UTS2: variants seen among roughly 807,000 people sequenced by gnomAD.
The protein encoded by UTS2 is urotensin-2.
Under a neutral mutation model 12.6 loss-of-function variants are expected in UTS2, and 10 were observed. The observed-to-expected ratio is 0.80, with a 90% CI of 0.49 to 1.35. The LOEUF is 1.35. UTS2 is among the 40% of genes most tolerant of loss of function. The pLI is 0.00. For missense variants in UTS2, 142 were observed against 143.2 expected, an observed-to-expected ratio of 0.99 and a Z score of 0.04; for synonymous variants, 52 against 50.0, an observed-to-expected ratio of 1.04 and a Z score of -0.17.
chr1:7,858,490 CCT>C (rs932720207), upstream of UTS2, among the ~76,000 whole-genome samples: 22 of 152,292 alleles, frequency 1.4e-4, no homozygotes, highest in African/African-American at 4.8e-4. Flanking sequence ...AAATTACAAA[CCT>C]CTTTTCAGTT....
chr1:7,873,920 A>T, the UTS2 span, among the ~76,000 whole-genome samples: 1 of 149,570 alleles, frequency 6.7e-6, no homozygotes, highest in African/African-American at 2.5e-5. Flanking sequence ...TCATTGTCTT[A>T]TTTTTTTTTT....
chr1:7,906,765 A>G, the UTS2 span, among the ~76,000 whole-genome samples: 1 of 152,188 alleles, frequency 6.6e-6, no homozygotes, highest in African/African-American at 2.4e-5. Context: ...AACACCACGA[A>G]CACGGGCAGT....
chr1:7,889,442 C>CAAAAAAAAAAAA, the UTS2 span, among the ~76,000 whole-genome samples: 9 of 85,352 alleles, frequency 1.1e-4, no homozygotes, highest in Non-Finnish European at 1.6e-4. Flanking sequence ...ATCTTATCAC[C>CAAAAAAAAAAAA]AAAAAAAAAA....
At chr1:7,863,015 A>AC in the UTS2 span, among the ~76,000 whole-genome samples, 1 of 22,274 alleles carries the variant, frequency 4.5e-5, no homozygotes, top group South Asian at 1.5e-3. Flanking sequence ...ATTGTATTGT[A>AC]TTGTATTGTA....
At chr1:7,901,354 GGGT>G in the UTS2 span, among the ~76,000 whole-genome samples, 1 of 152,122 alleles carries the variant, frequency 6.6e-6, no homozygotes, top group Non-Finnish European at 1.5e-5. Flanking sequence ...CATTAAATGT[GGGT>G]GGTGAAAGAG....
At chr1:7,866,251 G>A in the UTS2 span, among the ~76,000 whole-genome samples, 15 of 152,320 alleles carry the variant, frequency 9.8e-5, no homozygotes, top group Admixed American at 3.9e-4. This position sits in a 1 kb window ranked among gnomAD's most constrained non-coding sequence, Gnocchi z 4.5. Context: ...GGGCCTCCTC[G>A]CAGCTGAAAG....
chr1:7,890,124 TAAAA>T, the UTS2 span, among the ~76,000 whole-genome samples: 1 of 135,568 alleles, frequency 7.4e-6, no homozygotes, highest in Admixed American at 7.4e-5. Context: ...AGCCTCCATC[TAAAA>T]AAAAAAAAAA....
chr1:7,852,851 C>CT, intron 1 of UTS2, 50 bp downstream of exon 1: 1 of 1,550,892 alleles, frequency 6.4e-7, no homozygotes, highest in Non-Finnish European at 8.7e-7. Flanking sequence ...GAATTTAAGA[C>CT]TAGTAAAGGC....
chr1:7,893,174 G>A, the UTS2 span, among the ~76,000 whole-genome samples: 1 of 152,130 alleles, frequency 6.6e-6, no homozygotes, highest in African/African-American at 2.4e-5. Flanking sequence ...TCAAGATTTT[G>A]CAATCCTTGA....
chr1:7,852,915 G>C lies in UTS2; in HGVS notation c.89C>G (p.Ser30Cys). The C allele has an allele frequency of 6.2e-7, 1 of 1,609,584 alleles. No homozygotes were observed. The highest frequency in any genetic ancestry group is 8.5e-7 in the Non-Finnish European group (1 of 1,178,580). ...SLPLLDSREI[S>C]FQLSAPHEDA... is the part of the protein sequence containing the mutation. ...AAAAATCTTACCTGAGAGTTGAAAG[G>C]ATATTTCCCTGGAGTCAAGGAGAGG... The change falls in exon 1 of 4, where the codon TCC becomes TGC. Residue 30 changes from serine (S) to cysteine (C), a missense_variant. By Grantham distance (112) the Ser-to-Cys change is moderately radical. Coordinates refer to ENST00000361696, the MANE Select transcript of UTS2 (RefSeq NM_006786.4).
At chr1:7,850,569 C>T (rs558067121) in intron 2 of UTS2, among the ~76,000 whole-genome samples, 5 of 152,156 alleles carry the variant, frequency 3.3e-5, no homozygotes, top group South Asian at 4.1e-4. Context: ...AGCTCTACCC[C>T]GCAAAAATAA....
the UTS2 span, among the ~76,000 whole-genome samples, chr1:7,863,036 TTG>T: frequency 0.012 from 392 of 32,942 alleles, 8 homozygotes; most frequent in South Asian, 0.035. Context: ...TTGTATTGTA[TTG>T]TATTGTATTG....
At chr1:7,908,295 T>TAAA in the UTS2 span, among the ~76,000 whole-genome samples, 2 of 107,872 alleles carry the variant, frequency 1.9e-5, no homozygotes, top group African/African-American at 6.9e-5. Context: ...AGACTCCGTC[T>TAAA]AAAAAAAAAA....
chr1:7,848,503 T>C (rs576246871), intron 3 of UTS2, among the ~76,000 whole-genome samples: 1 of 126,338 alleles, frequency 7.9e-6, no homozygotes, highest in African/African-American at 2.7e-5. Context: ...ATTGTATGTA[T>C]TGTGTATACT....
the UTS2 span, among the ~76,000 whole-genome samples, chr1:7,906,033 CT>C: frequency 4.6e-5 from 7 of 152,100 alleles, no homozygotes; most frequent in Non-Finnish European, 8.8e-5. Flanking sequence ...AGGTGAGCAT[CT>C]TGTTTTGAGG....
At chr1:7,874,637 C>T in the UTS2 span, among the ~76,000 whole-genome samples, 1 of 152,322 alleles carries the variant, frequency 6.6e-6, no homozygotes, top group South Asian at 2.1e-4. Flanking sequence ...CCGCCTGGGA[C>T]CACTGCCACT....
the UTS2 span, among the ~76,000 whole-genome samples, chr1:7,868,399 G>T: frequency 6.6e-6 from 1 of 152,176 alleles, no homozygotes; most frequent in South Asian, 2.1e-4. Context: ...CTCACAGGAG[G>T]CAATTTTATA....
chr1:7,910,579 G>T, the UTS2 span, among the ~76,000 whole-genome samples: 1 of 152,140 alleles, frequency 6.6e-6, no homozygotes, highest in South Asian at 2.1e-4. Flanking sequence ...CATTCTGAAG[G>T]CTCCCATGTA....
chr1:7,885,012 TCATCCATCCACCCACCCACC>T, the UTS2 span, among the ~76,000 whole-genome samples: 1 of 133,950 alleles, frequency 7.5e-6, no homozygotes, highest in African/African-American at 2.9e-5. Context: ...ATCCATCCAC[TCATCCATCCACCCACCCACC>T]CATCCATCCA....
Sources: gnomAD v4.1 joint callset for allele counts (sites outside exome capture counted in the v4.1 genomes callset) on GRCh38, gnomAD v4.1.1 for gene constraint, Gnocchi (gnomAD v3.1) non-coding constraint, MANE v1.5 for transcripts, NCBI Gene and HGNC (gene_info 2026-07-23, HGNC 2026-07-21) for gene names.